The following PKIB variants were observed in gnomAD, a reference collection of about 807,000 sequenced individuals.
The protein encoded by PKIB is PKI-beta.
PKIB carries 2 observed loss-of-function variants against 4.5 expected under a neutral mutation model. The ratio of observed to expected loss-of-function variants is 0.44; its 90% CI spans 0.18 to 1.39. The LOEUF (loss-of-function observed/expected upper bound fraction) is 1.39, where lower values mean the gene tolerates loss of function less well. Among genes scored for constraint, PKIB ranks in the 40% most tolerant of loss-of-function variants. The pLI is 0.27. For synonymous variants in PKIB, 38 were observed against 36.0 expected, an observed-to-expected ratio of 1.06 and a Z score of -0.20; for missense variants, 94 against 92.6, an observed-to-expected ratio of 1.02 and a Z score of -0.06.
At chr6:122,576,493 C>A (rs1373084575) in intron 2 of PKIB, among the ~76,000 whole-genome samples, 1 of 150,936 alleles carries the variant, frequency 6.6e-6, no homozygotes, top group Non-Finnish European at 1.5e-5. Flanking sequence ...ATGGTGAAAC[C>A]CCGTTTCTAC....
chr6:122,691,297 C>T (rs1487397245), intron 3 of PKIB, among the ~76,000 whole-genome samples: 2 of 152,096 alleles, frequency 1.3e-5, no homozygotes, highest in African/African-American at 4.8e-5. Context: ...TCTCTACCTA[C>T]TCTTTAAGGC....
rs1310580166 is a variant in PKIB at position 122,560,462 on chromosome 6, G to A, written c.-247-25459G>A. On this transcript the variant is annotated intron_variant, in intron 2 of 6. Coordinates refer to the PKIB transcript ENST00000392491. ...AGCTAATATTTTGTTAAGGATTTTA[G>A]CATCAGTGTTCATCAAAGATATCAG... is the stretch of plus-strand genomic sequence containing the variant. 2.0e-5 allele frequency among the ~76,000 whole-genome samples: 3 copies of A among 152,048 alleles called. No individual in the cohort carries two copies. In the East Asian group the frequency reaches 5.8e-4, roughly 29 times the overall value.
intron 2 of PKIB, among the ~76,000 whole-genome samples, chr6:122,528,942 T>G (rs113510992): frequency 2.6e-5 from 4 of 152,184 alleles, no homozygotes; most frequent in African/African-American, 9.6e-5. Context: ...CTAAACCTAA[T>G]TACCTCAAAT....
chr6:122,492,145 A>G (rs1216439537), intron 2 of PKIB, among the ~76,000 whole-genome samples: 1 of 152,204 alleles, frequency 6.6e-6, no homozygotes, highest in Non-Finnish European at 1.5e-5. Flanking sequence ...AGGGAGAGGT[A>G]TGAGAACATG....
intron 2 of PKIB, among the ~76,000 whole-genome samples, chr6:122,647,970 T>C (rs1776392225): frequency 6.6e-6 from 1 of 152,256 alleles, no homozygotes. Context: ...TCACAGAATG[T>C]GGTAGTAATA....
At chr6:122,646,994 A>T (rs556218227) in intron 2 of PKIB, among the ~76,000 whole-genome samples, 225 of 152,272 alleles carry the variant, frequency 1.5e-3, no homozygotes, top group African/African-American at 5.2e-3. Context: ...CCACTTTTAC[A>T]TGCCCTCACA....
At chr6:122,544,213 T>C (rs1053223752) in intron 2 of PKIB, among the ~76,000 whole-genome samples, 2 of 151,930 alleles carry the variant, frequency 1.3e-5, no homozygotes, top group Non-Finnish European at 2.9e-5. Flanking sequence ...TAATCATCAA[T>C]AATAGATTAA....
chr6:122,631,444 C>G (rs1775697512), intron 1 of PKIB, among the ~76,000 whole-genome samples: 1 of 152,064 alleles, frequency 6.6e-6, no homozygotes, highest in Admixed American at 6.6e-5. Context: ...CATCACATTT[C>G]CAAAAGAAAG....
At chr6:122,562,820 T>A (rs1331850167) in intron 2 of PKIB, among the ~76,000 whole-genome samples, 1 of 152,176 alleles carries the variant, frequency 6.6e-6, no homozygotes, top group African/African-American at 2.4e-5. Flanking sequence ...GATTGTTTTT[T>A]TCCTTAAGCT....
chr6:122,523,394 TG>T (rs1406634270), intron 2 of PKIB, among the ~76,000 whole-genome samples: 4 of 152,198 alleles, frequency 2.6e-5, no homozygotes, highest in African/African-American at 9.7e-5. Flanking sequence ...AATCTTGTCT[TG>T]AATTCTAGTT....
chr6:122,675,621 A>G (rs1777641261), intron 3 of PKIB, among the ~76,000 whole-genome samples: 1 of 152,212 alleles, frequency 6.6e-6, no homozygotes. Flanking sequence ...ACTAAGGTCC[A>G]TGCAGTTTCA....
At chr6:122,697,845 G>A (rs4945705) in intron 3 of PKIB, among the ~76,000 whole-genome samples, 112,387 of 151,998 alleles carry the variant, frequency 0.74, 41,868 homozygotes, top group African/African-American at 0.81. Context: ...AACTGCAAAT[G>A]AGATAAGGAA....
intron 1 of PKIB, among the ~76,000 whole-genome samples, chr6:122,616,419 C>T (rs1267704516): frequency 6.6e-6 from 1 of 152,126 alleles, no homozygotes; most frequent in Admixed American, 6.5e-5. Flanking sequence ...ATAGGATCAG[C>T]TAGTGTCCAG....
intron 2 of PKIB, among the ~76,000 whole-genome samples, chr6:122,575,363 A>T (rs548972276): frequency 2.0e-4 from 30 of 152,302 alleles, no homozygotes; most frequent in Admixed American, 1.2e-3. Flanking sequence ...AATAACTAAA[A>T]GTAGAACTAT....
rs189180945 is a variant in PKIB at position 122,643,593 on chromosome 6, T to C, written c.-76+10226T>C. Reference sequence around the variant, plus strand: ...AATGGTAATTTGAATTCTCTACAAATACGTTCAGCCTGTAGTATTCTAATT... The same window carrying C: ...AATGGTAATTTGAATTCTCTACAAACACGTTCAGCCTGTAGTATTCTAATT... On this transcript the variant is annotated intron_variant, in intron 2 of 4. Coordinates refer to ENST00000368452, the MANE Select transcript of PKIB (RefSeq NM_181795.3). 11 of 152,324 alleles carry C rather than the reference T, an allele frequency of 7.2e-5. No individual in the cohort carries two copies. In the East Asian group the frequency reaches 1.3e-3, roughly 19 times the overall value. 9.4% of individuals were successfully genotyped at this position (152,324 alleles called of 1,614,324 possible).
chr6:122,606,939 C>T (rs949764214), upstream of PKIB, among the ~76,000 whole-genome samples: 1 of 152,008 alleles, frequency 6.6e-6, no homozygotes, highest in African/African-American at 2.4e-5. Flanking sequence ...TGCATTTAGT[C>T]TTTCCCAAAC....
At chr6:122,506,694 AT>A (rs35341464) in intron 2 of PKIB, among the ~76,000 whole-genome samples, 14,754 of 116,578 alleles carry the variant, frequency 0.13, 347 homozygotes, top group East Asian at 0.18. Context: ...TGGAGATGTA[AT>A]TTTTTTTTTT....
At chr6:122,650,319 C>T (rs980040850) in intron 2 of PKIB, among the ~76,000 whole-genome samples, 5 of 152,118 alleles carry the variant, frequency 3.3e-5, no homozygotes, top group Middle Eastern at 3.2e-3. Context: ...TGGCATTGAG[C>T]TCTGCAATCC....
At chr6:122,505,399 C>T (rs1282496401) in intron 2 of PKIB, among the ~76,000 whole-genome samples, 1 of 152,106 alleles carries the variant, frequency 6.6e-6, no homozygotes, top group Non-Finnish European at 1.5e-5. Flanking sequence ...CCCAACATGT[C>T]CCCCTTTTTT....
Sources: allele counts gnomAD v4.1 joint callset (sites outside exome capture counted in the v4.1 genomes callset), GRCh38; gene constraint gnomAD v4.1.1; transcripts MANE v1.5; gene names NCBI Gene and HGNC (gene_info 2026-07-23, HGNC 2026-07-21).